The following CSGALNACT1 variants were observed in gnomAD, a reference collection of about 807,000 sequenced individuals.
CSGALNACT1 encodes chondroitin sulfate N-acetylgalactosaminyltransferase 1, also known as beta4GalNAcT-1.
A neutral mutation model predicts 51.0 loss-of-function variants in CSGALNACT1; 52 were observed. The observed-to-expected ratio is 1.02, with a 90% CI of 0.82 to 1.29. CSGALNACT1 has a LOEUF of 1.29. CSGALNACT1 is among the 50% of genes most tolerant of loss of function. The pLI, the probability that CSGALNACT1 is intolerant of heterozygous loss-of-function variation, is 0.00. For synonymous variants in CSGALNACT1, 341 were observed against 254.4 expected, an observed-to-expected ratio of 1.34 and a Z score of -3.24; for missense variants, 935 against 679.2, an observed-to-expected ratio of 1.38 and a Z score of -4.19.
upstream of CSGALNACT1, among the ~76,000 whole-genome samples, chr8:19,685,480 T>C (rs918447419): frequency 6.6e-6 from 1 of 152,086 alleles, no homozygotes; most frequent in Non-Finnish European, 1.5e-5. Context: ...AGGAAGACCC[T>C]GCCCCAAAAA....
chr8:19,618,039 C>T (rs747848788), intron 1 of CSGALNACT1, among the ~76,000 whole-genome samples: 2 of 151,606 alleles, frequency 1.3e-5, no homozygotes, highest in African/African-American at 2.4e-5. Flanking sequence ...CCACCACTTC[C>T]GGCTGATTTT....
intron 1 of CSGALNACT1, among the ~76,000 whole-genome samples, chr8:19,616,744 C>T (rs1189049075): frequency 6.6e-6 from 1 of 152,146 alleles, no homozygotes; most frequent in Non-Finnish European, 1.5e-5. Context: ...CCTCACCTTC[C>T]ACCGTAAGTA....
intron 1 of CSGALNACT1, among the ~76,000 whole-genome samples, chr8:19,645,793 T>C (rs976614230): frequency 1.3e-5 from 2 of 151,958 alleles, no homozygotes; most frequent in Admixed American, 6.6e-5. Flanking sequence ...GCCTGGATGA[T>C]CAAATGTAGC....
intron 1 of CSGALNACT1, among the ~76,000 whole-genome samples, chr8:19,660,935 C>T (rs1043044891): frequency 6.6e-6 from 1 of 152,124 alleles, no homozygotes; most frequent in Non-Finnish European, 1.5e-5. Context: ...TTTTTTGAGG[C>T]AGAGTCTTGC....
At chr8:19,600,670 GTTTTT>G (rs1203529831) in intron 2 of CSGALNACT1, among the ~76,000 whole-genome samples, 1 of 151,678 alleles carries the variant, frequency 6.6e-6, no homozygotes, top group African/African-American at 2.4e-5. Flanking sequence ...TTCAGCCAAG[GTTTTT>G]TTTATTTTTT....
rs573834664 is a variant in CSGALNACT1 at position 19,712,178 on chromosome 8, G to A, written c.-297+45672C>T. Among the ~76,000 whole-genome samples the A allele has an allele frequency of 1.5e-4, 23 of 152,098 alleles. No individual in the cohort carries two copies. In the East Asian group the frequency reaches 1.9e-3, roughly 13 times the overall value. On this transcript the variant is annotated intron_variant, in intron 1 of 1. Coordinates refer to the CSGALNACT1 transcript ENST00000517494. ...GTAGCTGGGACTACAGGTTCGCGCC[G>A]CCACGCCCGGCTAATTTTTTGTATT...
At position 19,728,393 on chromosome 8, in the gene CSGALNACT1, C is replaced by A. The variant is rs143414246; in HGVS notation, c.-297+29457G>T. On this transcript the variant is annotated intron_variant, in intron 1 of 1. Coordinates refer to the CSGALNACT1 transcript ENST00000517494. ...AATGCAGGCTAAAATATCAAGCATT[C>A]TTTGTGCAATAGAAATTATTAATGC... Among the ~76,000 whole-genome samples, 261 of 152,260 alleles carry A rather than the reference C, an allele frequency of 1.7e-3. 3 individuals are homozygous for A. The highest frequency in any genetic ancestry group is 5.9e-3 in the African/African-American group (244 of 41,542).
At chr8:19,560,232 A>G (rs1486790162) in intron 3 of CSGALNACT1, among the ~76,000 whole-genome samples, 1 of 152,230 alleles carries the variant, frequency 6.6e-6, no homozygotes, top group Non-Finnish European at 1.5e-5. Context: ...CACACCACAC[A>G]TAATAATTTC....
intron 3 of CSGALNACT1, among the ~76,000 whole-genome samples, chr8:19,583,953 C>A (rs749156524): frequency 6.6e-6 from 1 of 152,318 alleles, no homozygotes; most frequent in Middle Eastern, 3.4e-3. Flanking sequence ...ACCCTGCAGC[C>A]TTTGCGGCAT....
chr8:19,677,577 G>C (rs916184828), intron 1 of CSGALNACT1, among the ~76,000 whole-genome samples: 1 of 152,208 alleles, frequency 6.6e-6, no homozygotes, highest in Admixed American at 6.5e-5. Context: ...GCTTTGGCAT[G>C]TGCAGGGCCA....
chr8:19,418,225 C>T lies in CSGALNACT1; in HGVS notation c.1227+431G>A, dbSNP rs567781125. 1.1e-3 allele frequency among the ~76,000 whole-genome samples: 172 copies of T among 152,238 alleles called. 1 individual carries two copies. Among genetic ancestry groups the T allele is most frequent in the Non-Finnish European group, 1.7e-3 (116 of 68,008 alleles). On this transcript the variant is annotated intron_variant, in intron 8 of 9. Coordinates refer to ENST00000454498, the Ensembl canonical transcript of CSGALNACT1. ...GTTTCCACTTCAAATTCACAAAGACCTTATTTGCCTGCAAGGTCCAGGGAA... is the reference window on the plus strand; with the variant it reads ...GTTTCCACTTCAAATTCACAAAGACTTTATTTGCCTGCAAGGTCCAGGGAA...
intron 1 of CSGALNACT1, among the ~76,000 whole-genome samples, chr8:19,755,479 A>AAAAAAAAAAAC (rs2065308411): frequency 2.0e-5 from 3 of 148,082 alleles, no homozygotes; most frequent in Non-Finnish European, 3.0e-5. Context: ...AAAAAAAAAA[A>AAAAAAAAAAAC]AAGACAACAT....
chr8:19,660,055 C>G (rs188135982), intron 1 of CSGALNACT1, among the ~76,000 whole-genome samples: 2 of 152,208 alleles, frequency 1.3e-5, no homozygotes, highest in Non-Finnish European at 2.9e-5. Flanking sequence ...AACTGACGCA[C>G]GGGGAAGTTA....
chr8:19,706,334 A>C (rs925623086), intron 1 of CSGALNACT1, among the ~76,000 whole-genome samples: 3 of 152,202 alleles, frequency 2.0e-5, no homozygotes, highest in Non-Finnish European at 2.9e-5. Flanking sequence ...ATTGTCATAA[A>C]GAGAATTTCC....
In CSGALNACT1 at chr8:19,505,679, C is replaced by G. The variant is rs371603397; in HGVS notation, c.156G>C (p.Thr52=). The change falls in exon 4 of 10, where the codon ACG becomes ACC. Residue 52 remains threonine (T), a synonymous_variant. Coordinates refer to ENST00000454498, the Ensembl canonical transcript of CSGALNACT1. ...GGACGGCCTGGTACCCCTCCTTCCC[C>G]GTGGGGCTGTTGGCCCTGGGCAGTG... 3 of 1,614,150 alleles carry G rather than the reference C, an allele frequency of 1.9e-6. No individual in the cohort carries two copies. In the East Asian group the frequency reaches 6.7e-5, roughly 36 times the overall value.
rs201098374 is a variant in CSGALNACT1, at chr8:19,599,472, A to AAAAGAAAGAAAGAAAGAAAGAAAG, written c.-416+2275_-416+2298dup. On this transcript the variant is annotated intron_variant, in intron 2 of 9. Transcript: ENST00000454498. ...GAAAAAGAAAAGAAAGAAAGAAAGAAAAAGAAAGAAAGAAAGAAAGAAAGA... is the reference window on the plus strand; with the variant it reads ...GAAAAAGAAAAGAAAGAAAGAAAGAAAAAGAAAGAAAGAAAGAAAGAAAGAAAGAAAGAAAGAAAGAAAGAAAGA... Among the ~76,000 whole-genome samples, 298 of 113,794 alleles carry AAAAGAAAGAAAGAAAGAAAGAAAG rather than the reference A, an allele frequency of 2.6e-3. 2 individuals carry two copies. The highest frequency in any genetic ancestry group is 9.1e-3 in the Middle Eastern group (2 of 220). 74.7% of individuals were successfully genotyped at this position (113,794 alleles called of 152,430 possible). A position where few individuals can be genotyped will look rare whatever the true frequency, so the allele number is the denominator to read the frequency against.
At chr8:19,613,503 G>C (rs933650549) in intron 1 of CSGALNACT1, among the ~76,000 whole-genome samples, 1 of 152,154 alleles carries the variant, frequency 6.6e-6, no homozygotes, top group Non-Finnish European at 1.5e-5. Context: ...CCAGATATCT[G>C]TCATTTTTAA....
intron 1 of CSGALNACT1, among the ~76,000 whole-genome samples, chr8:19,753,267 T>C (rs1004592202): frequency 1.3e-5 from 2 of 152,110 alleles, no homozygotes; most frequent in African/African-American, 4.8e-5. Context: ...CAGAGGGAAA[T>C]GATATTTAAA....
At chr8:19,567,868 A>C (rs1245441447) in intron 3 of CSGALNACT1, among the ~76,000 whole-genome samples, 1 of 152,194 alleles carries the variant, frequency 6.6e-6, no homozygotes, top group Non-Finnish European at 1.5e-5. Flanking sequence ...TTAGAAAATG[A>C]AATGTTAAAA....
Sources: allele counts gnomAD v4.1 joint callset (sites outside exome capture counted in the v4.1 genomes callset), GRCh38; gene constraint gnomAD v4.1.1; transcripts MANE v1.5; gene names NCBI Gene and HGNC (gene_info 2026-07-23, HGNC 2026-07-21).